The following KPNA6 variants were observed in gnomAD, a reference collection of about 807,000 sequenced individuals.
The protein encoded by KPNA6 is karyopherin subunit alpha 6.
KPNA6 carries 9 observed loss-of-function variants against 72.0 expected under a neutral mutation model. The ratio of observed to expected loss-of-function variants is 0.13; its 90% CI spans 0.08 to 0.22. The LOEUF is 0.22. KPNA6 is among the 10% of genes least tolerant of loss of function. The probability of loss-of-function intolerance (pLI) is 1.00; values close to 1 mark genes in which losing one functional copy is unlikely to be tolerated. For synonymous variants in KPNA6, 219 were observed against 242.1 expected (o/e 0.90, Z 0.89); for missense variants, 374 against 655.7 (o/e 0.57, Z 4.69).
At position 32,174,759 on chromosome 1, in the gene KPNA6, C is replaced by T. The variant is rs1258658903; in HGVS notation, c.*3865C>T. 1 of 152,190 alleles carries T rather than the reference C, an allele frequency of 6.6e-6. No homozygotes were observed. The highest frequency in any genetic ancestry group is 2.4e-5 in the African/African-American group (1 of 41,432). 9.4% of individuals were successfully genotyped at this position (152,190 alleles called of 1,614,324 possible). ...GACTGGGGCATTAGGAATGTTTGTA[C>T]CTCTCTGCTTCCCTGGCAGCCTGGG... is the stretch of plus-strand genomic sequence containing the variant. On this transcript the variant is annotated 3_prime_UTR_variant, in exon 14 of 14. Transcript: ENST00000373625.
At chr1:32,168,671 T>A (rs1642380497) in intron 12 of KPNA6, among the ~76,000 whole-genome samples, 1 of 152,162 alleles carries the variant, frequency 6.6e-6, no homozygotes, top group Non-Finnish European at 1.5e-5. Flanking sequence ...GTAAAAGGCC[T>A]CTTAGACAGG....
Position 32,162,346 on chromosome 1 carries a change from C to T in KPNA6, c.748-15C>T. The T allele has an allele frequency of 6.4e-7, 1 of 1,564,898 alleles. No homozygotes were observed. ...CTTGTTCCCCTGTGAGTCTTTCTCA[C>T]TCTGCTTCCCACAGGTCTCTCCTTG... On this transcript the variant is annotated splice_polypyrimidine_tract_variant and intron_variant, in intron 8 of 13. Coordinates refer to ENST00000373625, the MANE Select transcript of KPNA6 (RefSeq NM_012316.5).
chr1:32,163,393 C>G, intron 10 of KPNA6, 80 bp downstream of exon 10: 1 of 984,772 alleles, frequency 1.0e-6, no homozygotes, highest in Admixed American at 2.0e-5. Flanking sequence ...AAAGCCTTTC[C>G]TGCAAAGGGC....
chr1:32,170,017 C>G lies in KPNA6; in HGVS notation c.1380C>G (p.Gly460=). Residue 460 remains glycine (G), a synonymous_variant, in exon 13 of 14, where the codon GGC becomes GGG. Transcript: ENST00000373625. ...RLGEQEGKRS[G]SGVNPYCGLI... The stretch of plus-strand genomic sequence containing the variant: ...GAGAGCAAGAGGGCAAGCGCAGTGG[C>G]TCAGGGGTCAATCCTTATTGTGGCC... The G allele has an allele frequency of 6.2e-7, 1 of 1,614,140 alleles. No homozygotes were observed. The highest frequency in any genetic ancestry group is 8.5e-7 in the Non-Finnish European group (1 of 1,180,008).
At position 32,163,323 on chromosome 1, in the gene KPNA6, A is replaced by T; in HGVS notation, c.990+10A>T. The stretch of plus-strand genomic sequence containing the variant: ...TGACATCCAGACCCAGGTAAGAAAG[A>T]GGAGGGTGCAGGATCTTAGACCAGC... On this transcript the variant is annotated intron_variant, in intron 10 of 13. Coordinates refer to ENST00000373625, the MANE Select transcript of KPNA6 (RefSeq NM_012316.5). 1 of 1,593,866 alleles carries T rather than the reference A, an allele frequency of 6.3e-7. No individual in the cohort carries two copies. Among genetic ancestry groups the T allele is most frequent in the Non-Finnish European group, 8.6e-7 (1 of 1,164,040 alleles).
intron 12 of KPNA6, 149 bp downstream of exon 12, chr1:32,167,445 G>A (rs905548393): frequency 1.3e-6 from 1 of 782,100 alleles, no homozygotes; most frequent in Non-Finnish European, 2.0e-6. Context: ...AACTGCTACA[G>A]TGTCACTAGA....
intron 8 of KPNA6, 42 bp from the exon 9 acceptor site, chr1:32,162,319 G>A: frequency 1.3e-6 from 2 of 1,538,818 alleles, no homozygotes; most frequent in African/African-American, 1.4e-5. Flanking sequence ...AGCTGATATA[G>A]TCTTGTTCCC....
At chr1:32,145,472 C>G (rs944416900) in intron 1 of KPNA6, among the ~76,000 whole-genome samples, 1 of 151,560 alleles carries the variant, frequency 6.6e-6, no homozygotes, top group African/African-American at 2.4e-5. Flanking sequence ...TTACAGGCAC[C>G]CGCCACCATG....
intron 1 of KPNA6, among the ~76,000 whole-genome samples, chr1:32,137,556 G>A (rs1234467174): frequency 6.6e-5 from 10 of 152,094 alleles, no homozygotes; most frequent in African/African-American, 1.9e-4. Flanking sequence ...TATTGTAAAC[G>A]ACTTCAGATT....
intron 3 of KPNA6, 54 bp from the exon 4 acceptor site, chr1:32,157,292 C>T: frequency 7.3e-7 from 1 of 1,362,198 alleles, no homozygotes; most frequent in Non-Finnish European, 1.0e-6. Context: ...ATTATGTGCT[C>T]ACATCTGGCT....
rs781138977 is a variant in KPNA6 at position 32,156,963 on chromosome 1, G to A, written c.231+18G>A. ...CCACTGGGGTAAGGCCCCTGCATGT[G>A]CCTCAGGCTGACCTGGAAAACACCT... On this transcript the variant is annotated intron_variant, in intron 3 of 13. Transcript: ENST00000373625. The A allele has an allele frequency of 3.2e-6, 5 of 1,580,694 alleles. No individual in the cohort carries two copies. Among genetic ancestry groups the A allele is most frequent in the African/African-American group, 2.7e-5 (2 of 74,140 alleles).
chr1:32,138,543 C>CAAAAAAA (rs563911504), intron 1 of KPNA6, among the ~76,000 whole-genome samples: 3 of 48,932 alleles, frequency 6.1e-5, no homozygotes, highest in South Asian at 1.5e-3. Flanking sequence ...AACTCCATCT[C>CAAAAAAA]AAAAAAAAAA....
chr1:32,130,911 T>C (rs1641624963), intron 1 of KPNA6, among the ~76,000 whole-genome samples: 1 of 152,178 alleles, frequency 6.6e-6, no homozygotes, highest in Admixed American at 6.6e-5. Context: ...AAGAATTAAT[T>C]TGGACCCCTG....
At chr1:32,167,743 A>G (rs892857237) in intron 12 of KPNA6, among the ~76,000 whole-genome samples, 1 of 151,854 alleles carries the variant, frequency 6.6e-6, no homozygotes. Flanking sequence ...GCATGTGCCT[A>G]TAGTCCCAGC....
chr1:32,130,222 ATTTTTTTT>A (rs55953899), intron 1 of KPNA6, among the ~76,000 whole-genome samples: 21 of 103,110 alleles, frequency 2.0e-4, no homozygotes, highest in Middle Eastern at 5.2e-3. Flanking sequence ...GTAGATAAAT[ATTTTTTTT>A]TTTTTTTTTT....
rs369347824 is a variant in KPNA6, at chr1:32,132,764, G to A, written c.5-21824G>A. 2.2e-4 allele frequency among the ~76,000 whole-genome samples: 34 copies of A among 152,226 alleles called. No homozygotes were observed. The East Asian group carries it at 4.1e-3, about 18-fold the overall frequency. On this transcript the variant is annotated intron_variant, in intron 1 of 13. Transcript: ENST00000373625. ...TAAAAATACAAAAAATTAGCCGGGC[G>A]TGGTGGCAGGCACCTGTAGTCCCAG...
intron 7 of KPNA6, among the ~76,000 whole-genome samples, chr1:32,161,030 C>T (rs1642228599): frequency 6.6e-6 from 1 of 152,024 alleles, no homozygotes; most frequent in Non-Finnish European, 1.5e-5. Context: ...GTGGCAGGCA[C>T]CTGTAGACTC....
chr1:32,160,608 T>C lies in KPNA6; in HGVS notation c.559-7T>C. 1 of 1,611,976 alleles carries C rather than the reference T, an allele frequency of 6.2e-7. No individual in the cohort carries two copies. The highest frequency in any genetic ancestry group is 8.5e-7 in the Non-Finnish European group (1 of 1,178,100). On this transcript the variant is annotated splice_polypyrimidine_tract_variant and splice_region_variant and intron_variant, in intron 6 of 13. Coordinates refer to ENST00000373625, the MANE Select transcript of KPNA6 (RefSeq NM_012316.5). The stretch of plus-strand genomic sequence containing the variant: ...TGTGGGTGACAGTTTCATTATCCCC[T>C]TTTCAGGCAGTCTGGGCACTGGGAA...
intron 1 of KPNA6, among the ~76,000 whole-genome samples, chr1:32,145,701 A>G (rs1473041860): frequency 2.0e-5 from 3 of 152,220 alleles, no homozygotes; most frequent in African/African-American, 4.8e-5. Context: ...CTGAATGGAC[A>G]TAATATCCTT....
Sources: gnomAD v4.1 joint callset for allele counts (sites outside exome capture counted in the v4.1 genomes callset) on GRCh38, gnomAD v4.1.1 for gene constraint, MANE v1.5 for transcripts, NCBI Gene and HGNC (gene_info 2026-07-23, HGNC 2026-07-21) for gene names.